The following DIAPH3 variants were observed in gnomAD, a reference collection of about 807,000 sequenced individuals.
The protein encoded by DIAPH3 is diaphanous related formin 3, also known as protein diaphanous homolog 3.
Under a neutral mutation model 144.3 loss-of-function variants are expected in DIAPH3, and 117 were observed. The observed-to-expected ratio is 0.81, with a 90% CI of 0.70 to 0.95. The LOEUF is 0.95. Ranked by LOEUF, DIAPH3 falls within the 40% of genes least tolerant of loss-of-function variation. The probability of loss-of-function intolerance (pLI) is 0.00; values close to 1 mark genes in which losing one functional copy is unlikely to be tolerated. For synonymous variants in DIAPH3, 519 were observed against 488.9 expected (o/e 1.06, Z -0.81); for missense variants, 1,421 against 1,412.7 (o/e 1.01, Z -0.09).
chr13:59,895,940 A>G (rs1268499595), intron 20 of DIAPH3, among the ~76,000 whole-genome samples: 1 of 152,222 alleles, frequency 6.6e-6, no homozygotes, highest in Non-Finnish European at 1.5e-5. Context: ...TTGATCCTAA[A>G]CAAAAACGTA....
intron 24 of DIAPH3, among the ~76,000 whole-genome samples, chr13:59,818,224 A>T (rs995628351): frequency 6.6e-6 from 1 of 151,868 alleles, no homozygotes; most frequent in Non-Finnish European, 1.5e-5. Context: ...TTTAAGAAAA[A>T]GTTTTCCAGT....
intron 27 of DIAPH3, among the ~76,000 whole-genome samples, chr13:59,720,919 A>G (rs141576035): frequency 1.3e-5 from 2 of 152,120 alleles, no homozygotes; most frequent in Admixed American, 6.6e-5. Context: ...TTAAAAGTAT[A>G]TATGTAGGGT....
At chr13:60,068,692 T>C (rs758571677) in intron 4 of DIAPH3, among the ~76,000 whole-genome samples, 8 of 152,180 alleles carry the variant, frequency 5.3e-5, no homozygotes, top group Non-Finnish European at 8.8e-5. Context: ...TGTTCCCTTC[T>C]TCATGTCCAT....
chr13:59,968,451 A>G (rs1243211810), intron 17 of DIAPH3, among the ~76,000 whole-genome samples: 3 of 152,216 alleles, frequency 2.0e-5, no homozygotes, highest in Non-Finnish European at 2.9e-5. Flanking sequence ...TGATTGCCAG[A>G]AGAGTACACT....
intron 27 of DIAPH3, among the ~76,000 whole-genome samples, chr13:59,716,818 A>G (rs2035083708): frequency 6.6e-6 from 1 of 152,202 alleles, no homozygotes; most frequent in Non-Finnish European, 1.5e-5. Flanking sequence ...TTTAAAATAT[A>G]TCACTCATTA....
At position 59,799,011 on chromosome 13, in the gene DIAPH3, T is replaced by A. The variant is rs148947807; in HGVS notation, c.3163+11777A>T. ...TTGAAGCACAGTAATTTCCTATGCATCCTGCCTGGGGAAGAAAAAAAAAGT... is the reference window on the plus strand; with the variant it reads ...TTGAAGCACAGTAATTTCCTATGCAACCTGCCTGGGGAAGAAAAAAAAAGT... On this transcript the variant is annotated intron_variant, in intron 25 of 27. Transcript: ENST00000400324. Among the ~76,000 whole-genome samples the A allele has an allele frequency of 5.5e-3, 837 of 151,858 alleles. 8 individuals carry two copies. Among genetic ancestry groups the A allele is most frequent in the African/African-American group, 0.019 (777 of 41,406 alleles).
chr13:59,751,671 A>T (rs2037013457), intron 27 of DIAPH3, among the ~76,000 whole-genome samples: 1 of 152,232 alleles, frequency 6.6e-6, no homozygotes, highest in African/African-American at 2.4e-5. Flanking sequence ...AGCATTTTAT[A>T]TTAGGAGCTA....
Position 59,666,397 on chromosome 13 carries a change from G to C in DIAPH3, c.*187C>G. The C allele has an allele frequency of 5.1e-6, 3 of 590,790 alleles. No individual in the cohort carries two copies. The highest frequency in any genetic ancestry group is 8.2e-6 in the Non-Finnish European group (3 of 365,848). The allele number at this position is 590,790 out of a possible 1,614,324, so 36.6% of individuals were successfully genotyped here. On this transcript the variant is annotated 3_prime_UTR_variant, in exon 28 of 28. Coordinates refer to ENST00000400324, the MANE Select transcript of DIAPH3 (RefSeq NM_001042517.2). ...AAGGATTAAAGCCCGGTACAATCTT[G>C]AATAAACCAAAACCTCCAGTACATA... is the stretch of plus-strand genomic sequence containing the variant.
At chr13:59,720,714 G>A (rs1342395418) in intron 27 of DIAPH3, among the ~76,000 whole-genome samples, 1 of 152,064 alleles carries the variant, frequency 6.6e-6, no homozygotes, top group Non-Finnish European at 1.5e-5. Flanking sequence ...AATATATGAG[G>A]AAGATTTTAG....
chr13:59,888,708 C>T (rs1258955815), intron 20 of DIAPH3, among the ~76,000 whole-genome samples: 1 of 151,890 alleles, frequency 6.6e-6, no homozygotes, highest in African/African-American at 2.4e-5. Flanking sequence ...ATCTGAGTTT[C>T]CATCTGGCAT....
At chr13:60,014,648 AGTTT>A (rs957228936) in intron 7 of DIAPH3, among the ~76,000 whole-genome samples, 16 of 152,258 alleles carry the variant, frequency 1.1e-4, no homozygotes, top group Non-Finnish European at 1.8e-4. Context: ...GCCCTATAAA[AGTTT>A]GTTTTTAAAT....
chr13:60,132,793 T>G (rs2059176806), intron 2 of DIAPH3, among the ~76,000 whole-genome samples, 164 bp downstream of exon 2: 1 of 152,056 alleles, frequency 6.6e-6, no homozygotes, highest in Non-Finnish European at 1.5e-5. Flanking sequence ...AACCAACAAT[T>G]TAGTGTATTT....
At chr13:60,058,837 T>C (rs1355765370) in intron 4 of DIAPH3, among the ~76,000 whole-genome samples, 1 of 151,924 alleles carries the variant, frequency 6.6e-6, no homozygotes, top group Non-Finnish European at 1.5e-5. Context: ...CATTTATAAG[T>C]TGGAGCTATG....
chr13:59,779,894 T>C (rs1213249478), intron 25 of DIAPH3, among the ~76,000 whole-genome samples: 1 of 152,120 alleles, frequency 6.6e-6, no homozygotes, highest in East Asian at 1.9e-4. Flanking sequence ...TGACTTGAAG[T>C]ACAAATAGAC....
At chr13:59,701,520 C>G (rs145181353) in intron 27 of DIAPH3, among the ~76,000 whole-genome samples, 1 of 152,152 alleles carries the variant, frequency 6.6e-6, no homozygotes, top group Non-Finnish European at 1.5e-5. Flanking sequence ...ATTCCCAGCA[C>G]GTCATATAGG....
chr13:59,751,372 T>G (rs1262400754), intron 27 of DIAPH3, among the ~76,000 whole-genome samples: 2 of 152,234 alleles, frequency 1.3e-5, no homozygotes, highest in Non-Finnish European at 2.9e-5. Flanking sequence ...TGGCTGTTAA[T>G]AGCCTGAAAC....
Position 59,868,127 on chromosome 13 carries a change from T to C in DIAPH3, c.2608-6591A>G, listed in dbSNP as rs1041747612. The stretch of plus-strand genomic sequence containing the variant: ...CAAATCAGTAAAACCTCCAGGAAAA[T>C]GATTTAGTAACATACGTCAAAAATT... On this transcript the variant is annotated intron_variant, in intron 21 of 27. Coordinates refer to ENST00000400324, the MANE Select transcript of DIAPH3 (RefSeq NM_001042517.2). Among the ~76,000 whole-genome samples, 13 of 152,050 alleles carry C rather than the reference T, an allele frequency of 8.5e-5. No homozygotes were observed. The East Asian group carries it at 2.1e-3, about 25-fold the overall frequency.
intron 27 of DIAPH3, among the ~76,000 whole-genome samples, chr13:59,708,532 T>C (rs1310147305): frequency 2.0e-5 from 3 of 152,208 alleles, no homozygotes; most frequent in African/African-American, 7.2e-5. Context: ...GTTGTCACTC[T>C]CTGCTACCTG....
chr13:59,726,515 C>T lies in DIAPH3; in HGVS notation c.3319+47674G>A, dbSNP rs115596965. 6.9e-3 allele frequency among the ~76,000 whole-genome samples: 1,047 copies of T among 152,242 alleles called. 12 individuals carry two copies. The highest frequency in any genetic ancestry group is 0.023 in the African/African-American group (938 of 41,538). On this transcript the variant is annotated intron_variant, in intron 27 of 27. Transcript: ENST00000400324. ...ACACCTCCTTATATCTACCTCAGGA[C>T]CTTATTTTCATGGGATAATTGAGCA... is the stretch of plus-strand genomic sequence containing the variant.
Sources: gnomAD v4.1 joint callset for allele counts (sites outside exome capture counted in the v4.1 genomes callset) on GRCh38, gnomAD v4.1.1 for gene constraint, MANE v1.5 for transcripts, NCBI Gene and HGNC (gene_info 2026-07-23, HGNC 2026-07-21) for gene names.